The following LRRFIP1 variants were observed in gnomAD, a reference collection of about 807,000 sequenced individuals.
LRRFIP1 encodes LRR binding FLII interacting protein 1, also known as leucine-rich repeat flightless-interacting protein 1.
In LRRFIP1, 62 loss-of-function variants were observed where a neutral mutation model predicts 104.4. That is an observed-to-expected ratio of 0.59 (90% CI 0.48 to 0.73). The LOEUF (loss-of-function observed/expected upper bound fraction) is 0.73. LRRFIP1 is among the 30% of genes least tolerant of loss of function. The pLI, the probability that LRRFIP1 is intolerant of heterozygous loss-of-function variation, is 0.00. For missense variants in LRRFIP1, 796 were observed against 824.5 expected (o/e 0.97, Z 0.42); for synonymous variants, 300 against 299.0 (o/e 1.00, Z -0.03).
At chr2:237,663,197 A>G (rs1372280808) in intron 1 of LRRFIP1, among the ~76,000 whole-genome samples, 1 of 152,240 alleles carries the variant, frequency 6.6e-6, no homozygotes, top group Non-Finnish European at 1.5e-5. Flanking sequence ...CAGTTTAACT[A>G]AACTATTAGA....
In LRRFIP1 at chr2:237,672,075, CT is replaced by C. The variant is rs1268489747; in HGVS notation, c.97-36465del. 7.9e-5 allele frequency among the ~76,000 whole-genome samples: 12 copies of C among 151,960 alleles called. No homozygotes were observed. In the East Asian group the frequency reaches 2.3e-3, roughly 29 times the overall value. ...AAATTCAGTGTTTCAGTAAATAGTT[CT>C]TTTCAGCAGACAATTACTTAGGCAG... On this transcript the variant is annotated intron_variant, in intron 1 of 23. Coordinates refer to ENST00000308482, the MANE Select transcript of LRRFIP1 (RefSeq NM_001137550.2).
chr2:237,697,384 T>C (rs993935508), intron 1 of LRRFIP1, among the ~76,000 whole-genome samples: 1 of 152,218 alleles, frequency 6.6e-6, no homozygotes, highest in African/African-American at 2.4e-5. Flanking sequence ...CTGTGAAACT[T>C]GTTTTGCTAT....
At chr2:237,706,441 A>G (rs914633014) in intron 1 of LRRFIP1, among the ~76,000 whole-genome samples, 1 of 152,036 alleles carries the variant, frequency 6.6e-6, no homozygotes, top group African/African-American at 2.4e-5. Context: ...GGCTGCTATG[A>G]AACCTCGTAC....
At chr2:237,763,204 T>G (rs1327081347) in intron 19 of LRRFIP1, 1 of 1,613,800 alleles carries the variant, frequency 6.2e-7, no homozygotes, top group Non-Finnish European at 8.5e-7. Context: ...TAGGTAGGGA[T>G]CACAACGAAG....
intron 11 of LRRFIP1, among the ~76,000 whole-genome samples, chr2:237,741,718 C>T (rs547725656): frequency 3.3e-5 from 5 of 151,966 alleles, no homozygotes; most frequent in East Asian, 1.9e-4. Context: ...ATCCCAGCTA[C>T]TTGGGAGGCT....
Position 237,779,465 on chromosome 2 carries a change from A to G in LRRFIP1, c.1856A>G (p.Asn619Ser), listed in dbSNP as rs774273491. Residue 619 changes from asparagine (N) to serine (S), a missense_variant, in exon 24 of 24, where the codon AAC (asparagine) becomes AGC (serine). Coordinates refer to ENST00000308482, the MANE Select transcript of LRRFIP1 (RefSeq NM_001137550.2). ...LDKTEELEVSNGHLVKRLEKM... is the reference protein window; with the variant it reads ...LDKTEELEVSSGHLVKRLEKM... The stretch of plus-strand genomic sequence containing the variant: ...AAAACAGAAGAGCTCGAGGTGAGCA[A>G]CGGCCACTTAGTGAAGCGTCTGGAA... 2 of 1,613,880 alleles carry G rather than the reference A, an allele frequency of 1.2e-6. No individual in the cohort carries two copies. The highest frequency in any genetic ancestry group is 2.2e-5 in the South Asian group (2 of 91,084).
chr2:237,719,628 GTGGC>G lies in LRRFIP1; in HGVS notation c.294+64_294+67del, dbSNP rs2094467240. The G allele has an allele frequency of 9.3e-6, 11 of 1,183,470 alleles. No individual in the cohort carries two copies. The African/African-American group carries it at 1.8e-4, about 19-fold the overall frequency. 73.3% of individuals were successfully genotyped at this position (1,183,470 alleles called of 1,614,324 possible). A position where few individuals can be genotyped will look rare whatever the true frequency, so the allele number is the denominator to read the frequency against. On this transcript the variant is annotated intron_variant, in intron 5 of 23. Coordinates refer to ENST00000308482, the MANE Select transcript of LRRFIP1 (RefSeq NM_001137550.2). The stretch of plus-strand genomic sequence containing the variant: ...GATTGAATTCTAATTTATGCTTGCA[GTGGC>G]TGAAGTATATATAATATATTCAATC...
intron 1 of LRRFIP1, among the ~76,000 whole-genome samples, chr2:237,656,693 A>G (rs1218456042): frequency 1.3e-5 from 2 of 152,270 alleles, no homozygotes; most frequent in African/African-American, 2.4e-5. Flanking sequence ...AAGTTAATTC[A>G]TTGTACAATA....
In LRRFIP1 at chr2:237,770,043, C is replaced by A. The variant is rs1211780865; in HGVS notation, c.1509+51C>A. 2.1e-6 allele frequency: 3 copies of A among 1,422,608 alleles called. No individual in the cohort carries two copies. The African/African-American group carries it at 4.2e-5, about 20-fold the overall frequency. The allele number at this position is 1,422,608 out of a possible 1,614,324, so 88.1% of individuals were successfully genotyped here. On this transcript the variant is annotated intron_variant, in intron 20 of 23. Coordinates refer to ENST00000308482, the MANE Select transcript of LRRFIP1 (RefSeq NM_001137550.2). Reference sequence around the variant, plus strand: ...GGTTCATGAACAGGGCACCTGAAACCACCTGCCCATCCTTCCTTCTTGCTT... The same window carrying A: ...GGTTCATGAACAGGGCACCTGAAACAACCTGCCCATCCTTCCTTCTTGCTT...
At position 237,748,598 on chromosome 2, in the gene LRRFIP1, G is replaced by T. The variant is rs1369876646; in HGVS notation, c.669+199G>T. Among the ~76,000 whole-genome samples, 13 of 152,256 alleles carry T rather than the reference G, an allele frequency of 8.5e-5. No individual in the cohort carries two copies. The East Asian group carries it at 2.3e-3, about 27-fold the overall frequency. On this transcript the variant is annotated intron_variant, in intron 12 of 23. Transcript: ENST00000308482. ...TCCGGTGTGCGTTAGATCCTGTAGA[G>T]CAGGGAGGCGTTTATAATGGGCCCC... is the stretch of plus-strand genomic sequence containing the variant.
At chr2:237,776,309 G>C (rs1001508356) in intron 23 of LRRFIP1, among the ~76,000 whole-genome samples, 1 of 152,168 alleles carries the variant, frequency 6.6e-6, no homozygotes, top group Non-Finnish European at 1.5e-5. Flanking sequence ...CATGGTCCCT[G>C]TTATACCTGG....
At chr2:237,664,703 T>C (rs2088843874) in intron 1 of LRRFIP1, among the ~76,000 whole-genome samples, 2 of 152,242 alleles carry the variant, frequency 1.3e-5, no homozygotes, top group African/African-American at 4.8e-5. Context: ...CTGCATAGTG[T>C]TCTCTTCCCA....
intron 1 of LRRFIP1, among the ~76,000 whole-genome samples, chr2:237,694,889 C>T (rs764527583): frequency 1.3e-5 from 2 of 152,226 alleles, no homozygotes; most frequent in Non-Finnish European, 1.5e-5. Flanking sequence ...GATTAGCATT[C>T]AGCCCTTCTA....
chr2:237,641,121 C>T (rs1299057867), intron 1 of LRRFIP1, among the ~76,000 whole-genome samples: 1 of 151,794 alleles, frequency 6.6e-6, no homozygotes, highest in African/African-American at 2.4e-5. Flanking sequence ...AATGGTATTC[C>T]TCCCAGCACT....
Position 237,772,205 on chromosome 2 carries a change from G to C in LRRFIP1, c.1627+7G>C, listed in dbSNP as rs760295499. On this transcript the variant is annotated splice_region_variant and intron_variant, in intron 21 of 23. Transcript: ENST00000308482. ...CATGTAATGGACCTACAAAGTAAATGTCAATTCTTGTGTAGAAGTAAATGC... is the reference window on the plus strand; with the variant it reads ...CATGTAATGGACCTACAAAGTAAATCTCAATTCTTGTGTAGAAGTAAATGC... 35 of 1,596,100 alleles carry C rather than the reference G, an allele frequency of 2.2e-5. No individual in the cohort carries two copies. Among genetic ancestry groups the C allele is most frequent in the Non-Finnish European group, 2.8e-5 (33 of 1,163,626 alleles).
At chr2:237,637,985 C>G (rs1401021065) in intron 1 of LRRFIP1, among the ~76,000 whole-genome samples, 1 of 152,192 alleles carries the variant, frequency 6.6e-6, no homozygotes, top group African/African-American at 2.4e-5. Context: ...TTCCCTAAGA[C>G]AGCAGCCCCC....
intron 1 of LRRFIP1, chr2:237,692,372 G>A: frequency 7.6e-7 from 1 of 1,315,432 alleles, no homozygotes. Context: ...GACAGAGCGC[G>A]CGCCCCCTGG....
chr2:237,746,476 G>A (rs1304880085), intron 11 of LRRFIP1, among the ~76,000 whole-genome samples: 1 of 152,140 alleles, frequency 6.6e-6, no homozygotes, highest in Non-Finnish European at 1.5e-5. Context: ...GGGCTTCTGG[G>A]GCTCTGCCAA....
intron 1 of LRRFIP1, among the ~76,000 whole-genome samples, chr2:237,664,066 C>G (rs896109484): frequency 6.6e-6 from 1 of 151,610 alleles, no homozygotes; most frequent in African/African-American, 2.4e-5. Context: ...GGGGAAACAG[C>G]CATGTCCATG....
Sources: allele counts gnomAD v4.1 joint callset (sites outside exome capture counted in the v4.1 genomes callset), GRCh38; gene constraint gnomAD v4.1.1; transcripts MANE v1.5; gene names NCBI Gene and HGNC (gene_info 2026-07-23, HGNC 2026-07-21).